Variants in SHROOM3 observed in about 807,000 individuals in gnomAD.
The protein encoded by SHROOM3 is protein Shroom3.
Under a neutral mutation model 138.6 loss-of-function variants are expected in SHROOM3, and 47 were observed. The ratio of observed to expected loss-of-function variants is 0.34; its 90% CI spans 0.27 to 0.43. SHROOM3 has a LOEUF of 0.43. SHROOM3 is among the 20% of genes least tolerant of loss of function. The probability of loss-of-function intolerance (pLI) is 1.00; values close to 1 mark genes in which losing one functional copy is unlikely to be tolerated. For missense variants in SHROOM3, 2,491 were observed against 2,596.5 expected, an observed-to-expected ratio of 0.96 and a Z score of 0.88; for synonymous variants, 1,062 against 1,063.3, an observed-to-expected ratio of 1.00 and a Z score of 0.02.
At chr4:76,609,342 C>T (rs1451530005) in intron 2 of SHROOM3, among the ~76,000 whole-genome samples, 1 of 152,156 alleles carries the variant, frequency 6.6e-6, no homozygotes, top group African/African-American at 2.4e-5. Flanking sequence ...CAGGCTGGAA[C>T]ACAGATCACA....
intron 6 of SHROOM3, among the ~76,000 whole-genome samples, chr4:76,750,584 A>G (rs1257651018): frequency 6.6e-6 from 1 of 152,114 alleles, no homozygotes. Context: ...CTGGGTGACA[A>G]AATTATCTTT....
chr4:76,730,356 C>T lies in SHROOM3; in HGVS notation c.456-448C>T, dbSNP rs568486375. ...AGCAACAGGATATGATAGAGGACTT[C>T]GAAAACCCCAGAAAATGTTTTGCCA... On this transcript the variant is annotated intron_variant, in intron 3 of 10. Coordinates refer to ENST00000296043, the MANE Select transcript of SHROOM3 (RefSeq NM_020859.4). Among the ~76,000 whole-genome samples the T allele has an allele frequency of 7.2e-5, 11 of 152,246 alleles. No homozygotes were observed. In the East Asian group the frequency reaches 7.7e-4, roughly 11 times the overall value.
intron 1 of SHROOM3, among the ~76,000 whole-genome samples, chr4:76,506,840 T>A (rs894408760): frequency 3.3e-5 from 5 of 152,190 alleles, no homozygotes; most frequent in African/African-American, 1.2e-4. Context: ...CTATTGACTT[T>A]CTATTATGGA....
chr4:76,587,467 G>A (rs1734178735), intron 2 of SHROOM3, among the ~76,000 whole-genome samples: 1 of 152,084 alleles, frequency 6.6e-6, no homozygotes, highest in South Asian at 2.1e-4. Context: ...ATGAAAGGAA[G>A]GTGTTTACCC....
intron 2 of SHROOM3, among the ~76,000 whole-genome samples, chr4:76,665,601 G>C (rs1718670873): frequency 6.6e-6 from 1 of 152,228 alleles, no homozygotes; most frequent in South Asian, 2.1e-4. Flanking sequence ...GTTTTGTGAT[G>C]TTTGTGGCTG....
rs1730757944 is a variant in SHROOM3 at position 76,444,249 on chromosome 4, TA to T, written c.168+8030del. ...ATTTTTGAATGCTCTTTGGTGCATG[TA>T]TATTAATTTATATTTGTAATTTCTA... is the stretch of plus-strand genomic sequence containing the variant. On this transcript the variant is annotated intron_variant, in intron 1 of 10. Coordinates refer to ENST00000296043, the MANE Select transcript of SHROOM3 (RefSeq NM_020859.4). Among the ~76,000 whole-genome samples the T allele has an allele frequency of 3.3e-5, 5 of 151,678 alleles. No homozygotes were observed. In the South Asian group the frequency reaches 1.0e-3, roughly 32 times the overall value.
intron 6 of SHROOM3, among the ~76,000 whole-genome samples, chr4:76,753,678 A>G (rs1252552116): frequency 1.3e-5 from 2 of 152,202 alleles, no homozygotes; most frequent in Non-Finnish European, 2.9e-5. Context: ...TGTTTAAATC[A>G]CCATGTACTA....
chr4:76,676,967 A>T (rs902489971), intron 2 of SHROOM3, among the ~76,000 whole-genome samples: 6 of 147,576 alleles, frequency 4.1e-5, no homozygotes, highest in African/African-American at 2.5e-5. Context: ...AAAAAAAAAA[A>T]GGAAAAGGAA....
intron 2 of SHROOM3, among the ~76,000 whole-genome samples, chr4:76,666,092 G>A (rs1718687725): frequency 6.6e-6 from 1 of 152,176 alleles, no homozygotes; most frequent in Admixed American, 6.5e-5. Context: ...ATTTTATGAG[G>A]AAAATCTGGG....
chr4:76,779,027 G>A lies in SHROOM3; in HGVS notation c.5841G>A (p.Glu1947=), dbSNP rs201822986. The change falls in exon 11 of 11, where the codon GAG becomes GAA. Residue 1947 remains glutamate, a synonymous_variant. Transcript: ENST00000296043. The part of the protein sequence containing the change: ...KLDDKIKLGQ[E]QVKCLLESLP... ...ATGACAAGATCAAGCTGGGCCAGGA[G>A]CAGGTCAAGTGTCTGCTGGAGAGCC... The A allele has an allele frequency of 3.1e-6, 5 of 1,614,228 alleles. No individual in the cohort carries two copies. The African/African-American group carries it at 6.7e-5, about 22-fold the overall frequency.
chr4:76,469,549 C>T (rs1168840634), intron 1 of SHROOM3, among the ~76,000 whole-genome samples: 1 of 152,096 alleles, frequency 6.6e-6, no homozygotes, highest in Admixed American at 6.5e-5. Context: ...CTCTGCCTCC[C>T]AGGTTCAAGC....
rs887784509 is a variant in SHROOM3 at position 76,779,157 on chromosome 4, A to G, written c.5971A>G (p.Thr1991Ala). 42 of 1,611,562 alleles carry G rather than the reference A, an allele frequency of 2.6e-5. No individual in the cohort carries two copies. Among genetic ancestry groups the G allele is most frequent in the Non-Finnish European group, 3.4e-5 (40 of 1,178,446 alleles). ...CTGTACTTTCAGTGGTATTTTCCCA[A>G]CATTAACCTCTCCACTTTAACCTCT... ...GGCTFSGIFP[T>A]LTSPL Residue 1991 changes from threonine to alanine, a missense_variant, in exon 11 of 11, where the codon ACA becomes GCA. Physicochemically the swap from Thr to Ala is moderately conservative, Grantham distance 58 (BLOSUM62 0). Transcript: ENST00000296043.
chr4:76,514,456 A>G (rs1732403208), intron 1 of SHROOM3, among the ~76,000 whole-genome samples: 1 of 152,186 alleles, frequency 6.6e-6, no homozygotes, highest in South Asian at 2.1e-4. Context: ...CCATAGAAAA[A>G]TAAAGTACTT....
chr4:76,531,195 G>C (rs2110015680), intron 1 of SHROOM3, among the ~76,000 whole-genome samples: 2 of 152,224 alleles, frequency 1.3e-5, no homozygotes, highest in Non-Finnish European at 2.9e-5. Context: ...CAATCCAATA[G>C]GATAACCCAG....
chr4:76,471,205 T>C (rs1191887540), intron 1 of SHROOM3, among the ~76,000 whole-genome samples: 1 of 152,134 alleles, frequency 6.6e-6, no homozygotes, highest in Non-Finnish European at 1.5e-5. Context: ...GCTCTGAAGA[T>C]AGCTATTGCT....
intron 3 of SHROOM3, among the ~76,000 whole-genome samples, chr4:76,717,011 C>G (rs1417008026): frequency 6.6e-6 from 1 of 152,200 alleles, no homozygotes; most frequent in Non-Finnish European, 1.5e-5. Context: ...CAAGGCAAGT[C>G]TATTGGCAAC....
intron 1 of SHROOM3, among the ~76,000 whole-genome samples, chr4:76,460,827 CAAAA>C (rs58793404): frequency 3.8e-5 from 3 of 78,776 alleles, no homozygotes; most frequent in South Asian, 6.7e-4. Context: ...CCCGTATCTA[CAAAA>C]AAAAAAAAAA....
At chr4:76,528,817 G>T (rs1420342004) in intron 1 of SHROOM3, among the ~76,000 whole-genome samples, 2 of 152,194 alleles carry the variant, frequency 1.3e-5, no homozygotes, top group Non-Finnish European at 2.9e-5. Flanking sequence ...GCCTCCCAAA[G>T]TGCTGGGATT....
At chr4:76,777,059 A>C (rs189072621) in intron 10 of SHROOM3, among the ~76,000 whole-genome samples, 251 of 152,250 alleles carry the variant, frequency 1.6e-3, no homozygotes, top group Admixed American at 2.6e-3. Context: ...CTTTTTGCTT[A>C]GTCTTGCTTT....
Sources: gnomAD v4.1 joint callset for allele counts (sites outside exome capture counted in the v4.1 genomes callset) on GRCh38, gnomAD v4.1.1 for gene constraint, MANE v1.5 for transcripts, NCBI Gene and HGNC (gene_info 2026-07-23, HGNC 2026-07-21) for gene names.